Variants in BCL2 observed in about 807,000 individuals in gnomAD.
The protein encoded by BCL2 is apoptosis regulator Bcl-2.
A neutral mutation model predicts 14.2 loss-of-function variants in BCL2; 1 was observed. That is an observed-to-expected ratio of 0.07 (90% CI 0.02 to 0.33). The LOEUF is 0.33. Ranked by LOEUF, BCL2 falls within the 10% of genes least tolerant of loss-of-function variation. The pLI is 0.99. For missense variants in BCL2, 247 were observed against 305.9 expected, an observed-to-expected ratio of 0.81 and a Z score of 1.44; for synonymous variants, 151 against 137.2, an observed-to-expected ratio of 1.10 and a Z score of -0.70.
intron 2 of BCL2, among the ~76,000 whole-genome samples, chr18:63,268,780 T>C (rs1249140250): frequency 6.6e-6 from 1 of 152,200 alleles, no homozygotes; most frequent in East Asian, 1.9e-4. Context: ...ATCTCTACTA[T>C]TATAATTCAG....
intron 2 of BCL2, among the ~76,000 whole-genome samples, chr18:63,174,139 T>C (rs931687322): frequency 6.6e-6 from 1 of 152,216 alleles, no homozygotes; most frequent in African/African-American, 2.4e-5. Context: ...TACACATATG[T>C]ATATTTACTC....
chr18:63,180,814 C>T (rs1228314396), intron 2 of BCL2, among the ~76,000 whole-genome samples: 1 of 152,182 alleles, frequency 6.6e-6, no homozygotes, highest in Admixed American at 6.5e-5. Context: ...ACGGTAGCTG[C>T]TCCTATGGGC....
At chr18:63,287,100 T>A (rs771048621) in intron 2 of BCL2, among the ~76,000 whole-genome samples, 1 of 152,164 alleles carries the variant, frequency 6.6e-6, no homozygotes, top group Non-Finnish European at 1.5e-5. Flanking sequence ...ACTACCCCCT[T>A]CTTGGATCCC....
At position 63,169,265 on chromosome 18, in the gene BCL2, T is replaced by C. The variant is rs1480038311; in HGVS notation, c.586-40506A>G. Among the ~76,000 whole-genome samples, 32 of 53,792 alleles carry C rather than the reference T, an allele frequency of 5.9e-4. 1 individual carries two copies. Among genetic ancestry groups the C allele is most frequent in the African/African-American group, 4.2e-3 (31 of 7,376 alleles). 35.3% of individuals were successfully genotyped at this position (53,792 alleles called of 152,430 possible). A position where few individuals can be genotyped will look rare whatever the true frequency, so the allele number is the denominator to read the frequency against. ...CTTCGTGTTTTTCTTTCTTTCTTTC[T>C]TTCTTTCTTTCTTTCTTTCTTTCTT... On this transcript the variant is annotated intron_variant, in intron 2 of 2. Transcript: ENST00000333681.
At chr18:63,314,902 T>C (rs1020103012) in intron 2 of BCL2, 1 of 152,244 alleles carries the variant, frequency 6.6e-6, no homozygotes, top group African/African-American at 2.4e-5. Flanking sequence ...ATAGTTGATC[T>C]ACCTGCTTGC....
intron 2 of BCL2, among the ~76,000 whole-genome samples, chr18:63,209,488 G>A (rs1280370317): frequency 1.3e-5 from 2 of 152,170 alleles, no homozygotes; most frequent in African/African-American, 4.8e-5. Context: ...CCATTGGCAG[G>A]TGGTCTCCTA....
At chr18:63,273,056 T>G (rs1249992331) in intron 2 of BCL2, among the ~76,000 whole-genome samples, 1 of 152,132 alleles carries the variant, frequency 6.6e-6, no homozygotes, top group Admixed American at 6.5e-5. Flanking sequence ...TAGGAAGATT[T>G]GATAATGCAG....
intron 2 of BCL2, among the ~76,000 whole-genome samples, chr18:63,191,197 T>C (rs1279996113): frequency 1.3e-5 from 2 of 152,238 alleles, no homozygotes; most frequent in Non-Finnish European, 2.9e-5. Flanking sequence ...GAATGATTTA[T>C]ATTCCTTTGG....
chr18:63,314,981 C>A (rs146149201), intron 2 of BCL2: 2 of 152,122 alleles, frequency 1.3e-5, no homozygotes, highest in Non-Finnish European at 2.9e-5. Flanking sequence ...GGGAAATACT[C>A]GGTATTCCAA....
chr18:63,152,755 G>A (rs554125373), intron 2 of BCL2, among the ~76,000 whole-genome samples: 4 of 152,308 alleles, frequency 2.6e-5, no homozygotes, highest in African/African-American at 9.6e-5. Context: ...AATGACTTGG[G>A]CTGGGTGAAA....
At chr18:63,204,913 T>C (rs549052589) in intron 2 of BCL2, among the ~76,000 whole-genome samples, 4 of 152,274 alleles carry the variant, frequency 2.6e-5, no homozygotes, top group East Asian at 1.9e-4. Context: ...AATGTGTATA[T>C]GTTATTTTGC....
At chr18:63,168,276 G>T (rs11152370) in intron 2 of BCL2, among the ~76,000 whole-genome samples, 18 of 150,554 alleles carry the variant, frequency 1.2e-4, no homozygotes, top group African/African-American at 3.9e-4. Flanking sequence ...ACAGGACTGG[G>T]GTCAGGTGTG....
chr18:63,136,854 C>T (rs992516833), intron 2 of BCL2, among the ~76,000 whole-genome samples: 15 of 152,242 alleles, frequency 9.9e-5, no homozygotes, highest in African/African-American at 3.4e-4. Context: ...GATACAGATG[C>T]CACATCTCTT....
intron 2 of BCL2, among the ~76,000 whole-genome samples, chr18:63,151,488 G>GAGGGGCT (rs1914650389): frequency 7.0e-6 from 1 of 142,668 alleles, no homozygotes; most frequent in Non-Finnish European, 1.5e-5. Flanking sequence ...GATAATAGAT[G>GAGGGGCT]GGGGGCGATA....
chr18:63,283,903 G>A (rs1912388897), intron 2 of BCL2, among the ~76,000 whole-genome samples: 1 of 152,182 alleles, frequency 6.6e-6, no homozygotes, highest in South Asian at 2.1e-4. Context: ...GGTAGATCAA[G>A]AGCACTTTTA....
chr18:63,294,902 T>A (rs1674035279), intron 2 of BCL2, among the ~76,000 whole-genome samples: 1 of 151,748 alleles, frequency 6.6e-6, no homozygotes, highest in African/African-American at 2.4e-5. Context: ...GGCTTACACC[T>A]GTAATCCCAG....
chr18:63,314,832 A>G (rs1034435101), intron 2 of BCL2: 1 of 152,244 alleles, frequency 6.6e-6, no homozygotes, highest in East Asian at 1.9e-4. Context: ...TAATGGGACC[A>G]GTGATGCCAA....
At chr18:63,218,641 C>CA (rs112484959) in intron 2 of BCL2, among the ~76,000 whole-genome samples, 1 of 3,670 alleles carries the variant, frequency 2.7e-4, no homozygotes, top group Non-Finnish European at 7.9e-4. Flanking sequence ...ATCCACTCAT[C>CA]CCATCCTCCA....
intron 2 of BCL2, among the ~76,000 whole-genome samples, chr18:63,188,150 A>G (rs1325444147): frequency 6.6e-6 from 1 of 152,206 alleles, no homozygotes; most frequent in African/African-American, 2.4e-5. Flanking sequence ...CATGTTTTCT[A>G]TCTCTTTTTA....
Sources: gnomAD v4.1 joint callset for allele counts (sites outside exome capture counted in the v4.1 genomes callset) on GRCh38, gnomAD v4.1.1 for gene constraint, MANE v1.5 for transcripts, NCBI Gene and HGNC (gene_info 2026-07-23, HGNC 2026-07-21) for gene names.